Variants in DAB1 observed in about 807,000 individuals in gnomAD.
DAB1 encodes the protein DAB adaptor protein 1, also known as disabled homolog 1.
A neutral mutation model predicts 64.6 loss-of-function variants in DAB1; 15 were observed. That is an observed-to-expected ratio of 0.23 (90% CI 0.16 to 0.36). The LOEUF is 0.36. Ranked by LOEUF, DAB1 falls within the 10% of genes least tolerant of loss-of-function variation. The probability of loss-of-function intolerance (pLI) is 1.00; values close to 1 mark genes in which losing one functional copy is unlikely to be tolerated. For synonymous variants in DAB1, 235 were observed against 251.9 expected (o/e 0.93, Z 0.64); for missense variants, 596 against 706.7 (o/e 0.84, Z 1.78).
intron 4 of DAB1, among the ~76,000 whole-genome samples, chr1:57,116,709 A>G (rs1180682328): frequency 6.6e-6 from 1 of 152,148 alleles, no homozygotes; most frequent in Non-Finnish European, 1.5e-5. Context: ...TGCAGACAAG[A>G]TGGTGGAAAA....
Position 57,958,578 on chromosome 1 carries a change from G to A in DAB1, n.388-74416C>T, listed in dbSNP as rs78649973. On this transcript the variant is annotated intron_variant and non_coding_transcript_variant, in intron 5 of 20. Transcript: ENST00000485760. ...CTCTTCCAGAGCCTCATCCAGAAAA[G>A]AGGATTCAGAATAGGCATTAGGTTG... is the stretch of plus-strand genomic sequence containing the variant. Among the ~76,000 whole-genome samples, 445 of 152,278 alleles carry A rather than the reference G, an allele frequency of 2.9e-3. 1 individual carries two copies. Among genetic ancestry groups the A allele is most frequent in the African/African-American group, 0.01 (433 of 41,550 alleles).
At position 58,464,620 on chromosome 1, in the gene DAB1, G is replaced by A. The variant is rs115430953; in HGVS notation, n.257+41440C>T. On this transcript the variant is annotated intron_variant and non_coding_transcript_variant, in intron 3 of 20. Transcript: ENST00000485760. ...CTGAGTTCCTTTTCCCTCATCTATC[G>A]GATATAGCATCAATATAACACAAAG... 7.7e-3 allele frequency among the ~76,000 whole-genome samples: 1,170 copies of A among 152,206 alleles called. 15 individuals are homozygous for A. Among genetic ancestry groups the A allele is most frequent in the African/African-American group, 0.027 (1,114 of 41,506 alleles).
intron 1 of DAB1, among the ~76,000 whole-genome samples, chr1:57,379,878 C>T (rs1255316801): frequency 6.6e-6 from 1 of 152,204 alleles, no homozygotes; most frequent in African/African-American, 2.4e-5. Context: ...ATTAACACCA[C>T]GACTTTGGGT....
At chr1:57,488,694 TAAAATA>T (rs969388067) in intron 7 of DAB1, among the ~76,000 whole-genome samples, 3 of 151,340 alleles carry the variant, frequency 2.0e-5, no homozygotes, top group Non-Finnish European at 2.9e-5. Context: ...AATAATAAAA[TAAAATA>T]AAAATAAAAA....
chr1:58,375,358 A>G (rs1262124840), intron 3 of DAB1, among the ~76,000 whole-genome samples: 1 of 139,678 alleles, frequency 7.2e-6, no homozygotes, highest in African/African-American at 2.8e-5. Flanking sequence ...ACATCCCATC[A>G]ATACCTAATT....
intron 3 of DAB1, among the ~76,000 whole-genome samples, chr1:58,412,034 T>G (rs755687926): frequency 6.6e-6 from 1 of 152,198 alleles, no homozygotes; most frequent in Non-Finnish European, 1.5e-5. Flanking sequence ...GCACAAAGAA[T>G]AACCCATTCT....
At chr1:57,866,193 AATAATTAGT>A (rs1254312243) in intron 1 of DAB1, 1 of 152,204 alleles carries the variant, frequency 6.6e-6, no homozygotes, top group East Asian at 1.9e-4. Flanking sequence ...ACGTATACAA[AATAATTAGT>A]ATAGTATTAG....
At chr1:58,136,087 T>C (rs1473059612) in intron 5 of DAB1, among the ~76,000 whole-genome samples, 1 of 152,160 alleles carries the variant, frequency 6.6e-6, no homozygotes, top group Admixed American at 6.5e-5. Context: ...CAAGGCAGCA[T>C]GCATATTTAA....
At chr1:58,212,243 C>T (rs796652236) in intron 4 of DAB1, among the ~76,000 whole-genome samples, 4 of 152,268 alleles carry the variant, frequency 2.6e-5, no homozygotes, top group East Asian at 3.9e-4. Context: ...CCACTAGGTG[C>T]GAAGTACTAT....
chr1:57,114,559 A>G (rs181517310), intron 4 of DAB1, among the ~76,000 whole-genome samples: 1 of 152,366 alleles, frequency 6.6e-6, no homozygotes, highest in East Asian at 1.9e-4. Flanking sequence ...GGCTCTGACA[A>G]GAAGTCAATC....
chr1:58,524,394 A>G (rs964129709), intron 2 of DAB1, among the ~76,000 whole-genome samples: 1 of 152,190 alleles, frequency 6.6e-6, no homozygotes, highest in East Asian at 1.9e-4. Flanking sequence ...CTGGCATTAA[A>G]TTCTCCAGCT....
At position 58,218,989 on chromosome 1, in the gene DAB1, TTCTCTCTCTCTCTC is replaced by T. The variant is rs1049058578; in HGVS notation, n.310-68415_310-68402del. Among the ~76,000 whole-genome samples the T allele has an allele frequency of 1.5e-3, 195 of 125,932 alleles. 1 individual carries two copies. Among genetic ancestry groups the T allele is most frequent in the African/African-American group, 6.0e-3 (181 of 30,120 alleles). The allele number at this position is 125,932 out of a possible 152,430, so 82.6% of individuals were successfully genotyped here. On this transcript the variant is annotated intron_variant and non_coding_transcript_variant, in intron 4 of 20. Coordinates refer to the DAB1 transcript ENST00000485760. ...GAGTAATCCCCCATAATTCTGGCCA[TTCTCTCTCTCTCTC>T]TCTCTCTCTCTCTCTCTCTCTCTGT...
chr1:58,113,227 A>T (rs1652088040), intron 5 of DAB1, among the ~76,000 whole-genome samples: 1 of 152,150 alleles, frequency 6.6e-6, no homozygotes, highest in African/African-American at 2.4e-5. Context: ...GGATTTTGCA[A>T]GGAGATGAGA....
chr1:57,579,169 G>A (rs915897726), intron 7 of DAB1, among the ~76,000 whole-genome samples: 3 of 152,224 alleles, frequency 2.0e-5, no homozygotes, highest in Non-Finnish European at 4.4e-5. Flanking sequence ...ATAACTGGGT[G>A]TTTAATAAGT....
intron 2 of DAB1, among the ~76,000 whole-genome samples, chr1:57,246,710 A>G (rs962247158): frequency 1.3e-5 from 2 of 152,236 alleles, no homozygotes; most frequent in African/African-American, 4.8e-5. Context: ...ATGCCAGCCC[A>G]TAAGAGCAAC....
At chr1:58,180,969 G>C (rs903095588) in intron 4 of DAB1, among the ~76,000 whole-genome samples, 3 of 152,108 alleles carry the variant, frequency 2.0e-5, no homozygotes, top group Non-Finnish European at 2.9e-5. Flanking sequence ...AGTGCTCTAA[G>C]ATACTAGTTA....
chr1:57,093,036 TA>T (rs1653838741), intron 4 of DAB1, among the ~76,000 whole-genome samples: 1 of 152,144 alleles, frequency 6.6e-6, no homozygotes, highest in Non-Finnish European at 1.5e-5. Context: ...CAGGGCCTGA[TA>T]AGATAATGCA....
intron 14 of DAB1, among the ~76,000 whole-genome samples, chr1:57,004,114 C>T (rs1645974138): frequency 6.6e-6 from 1 of 152,152 alleles, no homozygotes; most frequent in African/African-American, 2.4e-5. Context: ...ACTGAAGCCC[C>T]AGACACAAGG....
chr1:57,704,910 C>CTTCCTTCCTTCCTTCCTTCCTTCCTTCT (rs1553121058), intron 6 of DAB1, among the ~76,000 whole-genome samples: 1 of 148,432 alleles, frequency 6.7e-6, no homozygotes, highest in South Asian at 2.2e-4. Flanking sequence ...TCCTTCCTTC[C>CTTCCTTCCTTCCTTCCTTCCTTCCTTCT]TTTTCATCTT....
Sources: allele counts gnomAD v4.1 joint callset (sites outside exome capture counted in the v4.1 genomes callset), GRCh38; gene constraint gnomAD v4.1.1; transcripts MANE v1.5; gene names NCBI Gene and HGNC (gene_info 2026-07-23, HGNC 2026-07-21).